The following CERS6 variants were observed in gnomAD, a reference collection of about 807,000 sequenced individuals.
CERS6 encodes the protein LAG1 homolog, ceramide synthase 6.
A neutral mutation model predicts 56.8 loss-of-function variants in CERS6; 26 were observed. The ratio of observed to expected loss-of-function variants is 0.46; its 90% confidence interval spans 0.34 to 0.63. The LOEUF (loss-of-function observed/expected upper bound fraction) is 0.63. CERS6 is among the 30% of genes least tolerant of loss of function. The probability of loss-of-function intolerance (pLI) is 0.01; values close to 1 mark genes in which losing one functional copy is unlikely to be tolerated. For missense variants in CERS6, 415 were observed against 467.5 expected (o/e 0.89, Z 1.04); for synonymous variants, 164 against 173.3 (o/e 0.95, Z 0.42).
At chr2:168,745,968 T>G (rs1684086318) in intron 8 of CERS6, among the ~76,000 whole-genome samples, 1 of 152,152 alleles carries the variant, frequency 6.6e-6, no homozygotes, top group Non-Finnish European at 1.5e-5. Context: ...AAAAATGAAC[T>G]GGATATGGTG....
chr2:168,760,766 A>ATTTT (rs1553517052), intron 8 of CERS6, among the ~76,000 whole-genome samples: 24 of 127,118 alleles, frequency 1.9e-4, no homozygotes, highest in African/African-American at 5.9e-4. Flanking sequence ...TTATTTATTT[A>ATTTT]TTTTTTTGAG....
In CERS6 at chr2:168,699,293, G is replaced by A. The variant is rs541103239; in HGVS notation, c.609+4242G>A. 6.6e-5 allele frequency among the ~76,000 whole-genome samples: 10 copies of A among 152,304 alleles called. No homozygotes were observed. The South Asian group carries it at 2.1e-3, about 32-fold the overall frequency. Reference sequence around the variant, plus strand: ...AAAACAGCCTGCTTCCTTATGATGGGATAGGGATGTTTGAAGACACCCATT... The same window carrying A: ...AAAACAGCCTGCTTCCTTATGATGGAATAGGGATGTTTGAAGACACCCATT... On this transcript the variant is annotated intron_variant, in intron 6 of 9. Coordinates refer to ENST00000305747, the MANE Select transcript of CERS6 (RefSeq NM_203463.3).
intron 1 of CERS6, among the ~76,000 whole-genome samples, chr2:168,491,090 A>G (rs1051823588): frequency 6.6e-6 from 1 of 152,188 alleles, no homozygotes; most frequent in African/African-American, 2.4e-5. Context: ...GAAGAGCCTC[A>G]TTGTCTGCAG....
intron 1 of CERS6, among the ~76,000 whole-genome samples, chr2:168,533,615 A>G (rs180719571): frequency 6.6e-6 from 1 of 152,066 alleles, no homozygotes; most frequent in East Asian, 1.9e-4. Flanking sequence ...TTTATATGTG[A>G]CCTGGCCTTT....
At chr2:168,743,488 T>C (rs1386703960) in intron 8 of CERS6, among the ~76,000 whole-genome samples, 1 of 152,070 alleles carries the variant, frequency 6.6e-6, no homozygotes, top group Non-Finnish European at 1.5e-5. Flanking sequence ...TACGAAAAAT[T>C]AGCCAGGTGT....
At chr2:168,487,370 T>C (rs780802255) in intron 1 of CERS6, among the ~76,000 whole-genome samples, 13 of 152,224 alleles carry the variant, frequency 8.5e-5, no homozygotes, top group Non-Finnish European at 2.9e-5. Context: ...TCTACTATTT[T>C]AAAGAAATGA....
chr2:168,769,527 A>C lies in CERS6; in HGVS notation c.1020A>C (p.Arg340=), dbSNP rs138914884. 1 of 1,601,040 alleles carries C rather than the reference A, an allele frequency of 6.2e-7. No homozygotes were observed. Among genetic ancestry groups the C allele is most frequent in the African/African-American group, 1.3e-5 (1 of 74,186 alleles). Reference sequence around the variant, plus strand: ...CTCCACAGGTGTCCAAGGATGATCGAAGTGATATTGAGTCTAGCTCAGATG... The same window carrying C: ...CTCCACAGGTGTCCAAGGATGATCGCAGTGATATTGAGTCTAGCTCAGATG... ...VSRGKVSKDD[R]SDIESSSDEE... Residue 340 remains arginine (R), a synonymous_variant, in exon 10 of 10, where the codon CGA becomes CGC. Transcript: ENST00000305747.
chr2:168,728,146 C>T (rs560364715), intron 8 of CERS6, among the ~76,000 whole-genome samples: 6 of 152,158 alleles, frequency 3.9e-5, no homozygotes, highest in African/African-American at 1.4e-4. Flanking sequence ...TCTTTGGCTG[C>T]TTTATGCTAC....
intron 3 of CERS6, among the ~76,000 whole-genome samples, chr2:168,610,009 G>A (rs532361247): frequency 1.4e-4 from 16 of 117,562 alleles, no homozygotes; most frequent in African/African-American, 4.5e-4. Flanking sequence ...ATGGCATCTC[G>A]CTATGTTGCC....
intron 8 of CERS6, among the ~76,000 whole-genome samples, chr2:168,754,329 T>C (rs962400451): frequency 2.0e-5 from 3 of 152,134 alleles, no homozygotes; most frequent in Non-Finnish European, 2.9e-5. Flanking sequence ...TGCAAGTGAG[T>C]ATATATACTT....
chr2:168,637,282 C>T (rs528368761), intron 4 of CERS6, among the ~76,000 whole-genome samples: 24 of 152,244 alleles, frequency 1.6e-4, no homozygotes, highest in Admixed American at 9.8e-4. Flanking sequence ...TCAAGACCAG[C>T]CTGGCCAACA....
At chr2:168,590,410 CGTAT>C (rs1453197928) in intron 3 of CERS6, among the ~76,000 whole-genome samples, 9 of 152,032 alleles carry the variant, frequency 5.9e-5, no homozygotes, top group Admixed American at 5.2e-4. Context: ...CTTATATACA[CGTAT>C]GTATGTATGT....
At chr2:168,614,332 C>T (rs1048090660) in intron 3 of CERS6, among the ~76,000 whole-genome samples, 3 of 152,192 alleles carry the variant, frequency 2.0e-5, no homozygotes, top group African/African-American at 7.2e-5. Context: ...TGTGTCTACA[C>T]ATACTTGTAT....
intron 2 of CERS6, among the ~76,000 whole-genome samples, chr2:168,560,251 G>C (rs1695763860): frequency 6.6e-6 from 1 of 152,152 alleles, no homozygotes; most frequent in Admixed American, 6.6e-5. Context: ...CTGCCCCCAT[G>C]ATTTAGTACC....
At chr2:168,692,309 T>C (rs1315374981) in intron 5 of CERS6, among the ~76,000 whole-genome samples, 7 of 152,186 alleles carry the variant, frequency 4.6e-5, no homozygotes, top group Admixed American at 2.6e-4. Flanking sequence ...TGTAATGGTA[T>C]AGTGAGTAGC....
chr2:168,692,326 C>T (rs1161511965), intron 5 of CERS6, among the ~76,000 whole-genome samples: 1 of 152,112 alleles, frequency 6.6e-6, no homozygotes, highest in Non-Finnish European at 1.5e-5. Flanking sequence ...TAGCAAAATC[C>T]GTGTATGTCT....
At position 168,547,640 on chromosome 2, in the gene CERS6, A is replaced by G. The variant is rs372014490; in HGVS notation, c.215A>G (p.Asn72Ser). 21 of 1,614,110 alleles carry G rather than the reference A, an allele frequency of 1.3e-5. No homozygotes were observed. In the Admixed American group the frequency reaches 2.2e-4, roughly 17 times the overall value. ...GCCATAGCCCTCAACATTCAGGCCA[A>G]TGGACCACAAATTGCTCCGCCCAAT... is the stretch of plus-strand genomic sequence containing the variant. ...PCAIALNIQA[N>S]GPQIAPPNAI... is the part of the protein sequence containing the mutation. The change falls in exon 2 of 10, where the codon AAT becomes AGT. Residue 72 changes from asparagine to serine, a missense_variant. Transcript: ENST00000305747.
At chr2:168,609,887 C>G (rs896367490) in intron 3 of CERS6, among the ~76,000 whole-genome samples, 3 of 151,798 alleles carry the variant, frequency 2.0e-5, no homozygotes, top group African/African-American at 7.3e-5. Flanking sequence ...CTTTTTTTTC[C>G]CAGTGACACT....
At chr2:168,719,179 G>A (rs1446732674) in intron 8 of CERS6, among the ~76,000 whole-genome samples, 4 of 152,144 alleles carry the variant, frequency 2.6e-5, no homozygotes, top group Admixed American at 2.0e-4. Flanking sequence ...TTAGACATAG[G>A]GCTGCCCTTG....
Sources: gnomAD v4.1 joint callset for allele counts (sites outside exome capture counted in the v4.1 genomes callset) on GRCh38, gnomAD v4.1.1 for gene constraint, MANE v1.5 for transcripts, NCBI Gene and HGNC (gene_info 2026-07-23, HGNC 2026-07-21) for gene names.